Variants in LCOR observed in about 807,000 individuals in gnomAD.
LCOR encodes ligand-dependent corepressor.
LCOR carries 14 observed loss-of-function variants against 64.4 expected under a neutral mutation model. The ratio of observed to expected loss-of-function variants is 0.22; its 90% CI spans 0.14 to 0.34. The LOEUF is 0.34. Ranked by LOEUF, LCOR falls within the 10% of genes least tolerant of loss-of-function variation. LCOR has a pLI of 1.00. For synonymous variants in LCOR, 643 were observed against 642.5 expected, an observed-to-expected ratio of 1.00 and a Z score of -0.01; for missense variants, 1,686 against 1,765.3, an observed-to-expected ratio of 0.96 and a Z score of 0.80.
At chr10:96,878,255 C>T (rs1846203281) in intron 2 of LCOR, among the ~76,000 whole-genome samples, 1 of 134,498 alleles carries the variant, frequency 7.4e-6, no homozygotes, top group South Asian at 2.2e-4. Flanking sequence ...AGCAAACTAA[C>T]TGGTTGCTTA....
At chr10:96,941,242 C>T (rs1278024241) in intron 4 of LCOR, among the ~76,000 whole-genome samples, 296 of 87,624 alleles carry the variant, frequency 3.4e-3, no homozygotes, top group African/African-American at 0.02. Context: ...GGGGGGCTGA[C>T]CCCCCCACCT....
chr10:96,859,502 G>C (rs951888294), intron 2 of LCOR, among the ~76,000 whole-genome samples: 3 of 151,974 alleles, frequency 2.0e-5, no homozygotes, highest in African/African-American at 7.3e-5. Flanking sequence ...GCGAGCCACC[G>C]CGCCCAGCCT....
intron 4 of LCOR, among the ~76,000 whole-genome samples, chr10:96,926,991 A>G (rs796775791): frequency 6.6e-6 from 1 of 151,986 alleles, no homozygotes; most frequent in Non-Finnish European, 1.5e-5. Context: ...AATTGTGTAC[A>G]TCTTTTTGTG....
chr10:96,970,089 C>A (rs1847985796), intron 7 of LCOR, among the ~76,000 whole-genome samples: 1 of 150,674 alleles, frequency 6.6e-6, no homozygotes, highest in African/African-American at 2.4e-5. Flanking sequence ...CCATGCCCAA[C>A]CTTTAACAAC....
intron 2 of LCOR, among the ~76,000 whole-genome samples, chr10:96,873,872 ATTC>A (rs1225843360): frequency 6.6e-6 from 1 of 152,116 alleles, no homozygotes; most frequent in Non-Finnish European, 1.5e-5. Flanking sequence ...AAAATATTGT[ATTC>A]TTCTAGGATT....
At chr10:96,886,382 A>G (rs759595003) in intron 2 of LCOR, among the ~76,000 whole-genome samples, 4 of 152,212 alleles carry the variant, frequency 2.6e-5, no homozygotes, top group African/African-American at 9.7e-5. Flanking sequence ...AAATCCTCCA[A>G]TGAGCATTTC....
At chr10:96,872,764 T>C (rs1219043482) in intron 2 of LCOR, among the ~76,000 whole-genome samples, 1 of 152,216 alleles carries the variant, frequency 6.6e-6, no homozygotes, top group African/African-American at 2.4e-5. Context: ...AGACTACCAG[T>C]TAATTCTTCT....
intron 4 of LCOR, among the ~76,000 whole-genome samples, chr10:96,916,585 G>T (rs1253296089): frequency 2.3e-5 from 3 of 132,214 alleles, no homozygotes; most frequent in South Asian, 3.0e-4. Context: ...GATATTTAAA[G>T]GCTATATATA....
At chr10:96,878,862 A>G (rs1270448133) in intron 2 of LCOR, among the ~76,000 whole-genome samples, 3 of 152,068 alleles carry the variant, frequency 2.0e-5, no homozygotes, top group Non-Finnish European at 4.4e-5. Context: ...ATGCAGTCAC[A>G]GCTCACTGCA....
At chr10:96,897,289 G>A (rs1846555869) in intron 2 of LCOR, among the ~76,000 whole-genome samples, 1 of 152,140 alleles carries the variant, frequency 6.6e-6, no homozygotes, top group Non-Finnish European at 1.5e-5. Flanking sequence ...GTATCTGCAA[G>A]CACATTTTTA....
chr10:96,845,144 TAAAA>T (rs543522802), intron 2 of LCOR, among the ~76,000 whole-genome samples: 3 of 152,012 alleles, frequency 2.0e-5, no homozygotes, highest in Non-Finnish European at 2.9e-5. Flanking sequence ...AAAATCAACT[TAAAA>T]AAAGATGATA....
rs1190640632 is a variant in LCOR at position 96,982,346 on chromosome 10, T to C, written c.1886T>C (p.Leu629Pro). 1.2e-6 allele frequency: 2 copies of C among 1,614,104 alleles called. No individual in the cohort carries two copies. The highest frequency in any genetic ancestry group is 2.7e-5 in the African/African-American group (2 of 74,950). The change falls in exon 8 of 8, where the codon CTG (leucine) becomes CCG (proline). Residue 629 changes from leucine to proline, a missense_variant. Coordinates refer to ENST00000421806, the MANE Select transcript of LCOR (RefSeq NM_001346516.2). ...CCTGCTCACCTTCCTGAAGAGGACC[T>C]GCCAGAAGGTGGCTCCACAGTCTCA... is the stretch of plus-strand genomic sequence containing the variant. Reference protein sequence around the residue: ...PLPAHLPEEDLPEGGSTVSAP... With the variant: ...PLPAHLPEEDPPEGGSTVSAP...
chr10:96,984,156 T>A lies in LCOR; in HGVS notation c.3696T>A (p.Ala1232=), dbSNP rs1372789351. ...PSSLYPSSLQ[A]ERLKKHLKKF... ...GCCTATATCCCAGTTCACTACAGGC[T>A]GAGCGCTTGAAAAAGCACTTGAAGA... The change falls in exon 8 of 8, where the codon GCT becomes GCA. Residue 1232 remains alanine (A), a synonymous_variant. Coordinates refer to ENST00000421806, the MANE Select transcript of LCOR (RefSeq NM_001346516.2). 1.2e-6 allele frequency: 2 copies of A among 1,614,060 alleles called. No individual in the cohort carries two copies. The highest frequency in any genetic ancestry group is 2.7e-5 in the African/African-American group (2 of 74,916).
chr10:96,833,396 C>G lies in LCOR; in HGVS notation c.-403-10C>G, dbSNP rs1014966167. 1 of 985,772 alleles carries G rather than the reference C, an allele frequency of 1.0e-6. No homozygotes were observed. The highest frequency in any genetic ancestry group is 6.1e-5 in the Admixed American group (1 of 16,270). 61.1% of individuals were successfully genotyped at this position (985,772 alleles called of 1,614,324 possible). A position where few individuals can be genotyped will look rare whatever the true frequency, so the allele number is the denominator to read the frequency against. On this transcript the variant is annotated splice_polypyrimidine_tract_variant and intron_variant, in intron 1 of 7. Transcript: ENST00000421806. ...CACACTGTGTGTTTTGTCTGTTTTT[C>G]TCTCCCAAGGTCCCGTTTCCCTCTG...
In LCOR at chr10:96,994,064, C is replaced by T. The variant is rs1406884170; in HGVS notation, c.*8930C>T. The T allele has an allele frequency of 2.0e-5, 3 of 152,062 alleles. No homozygotes were observed. Among genetic ancestry groups the T allele is most frequent in the Non-Finnish European group, 4.4e-5 (3 of 68,024 alleles). 9.4% of individuals were successfully genotyped at this position (152,062 alleles called of 1,614,324 possible). On this transcript the variant is annotated 3_prime_UTR_variant, in exon 8 of 8. Transcript: ENST00000421806. ...CAATGGATGAGAAATCTGCCAGCACCAGACACATCAAAATTGGGCACATAG... is the reference window on the plus strand; with the variant it reads ...CAATGGATGAGAAATCTGCCAGCACTAGACACATCAAAATTGGGCACATAG...
At position 96,983,106 on chromosome 10, in the gene LCOR, CACAGAA is replaced by C. The variant is rs754535704; in HGVS notation, c.2648_2653del (p.Thr883_Glu884del). On this transcript the variant is annotated inframe_deletion, in exon 8 of 8. Coordinates refer to ENST00000421806, the MANE Select transcript of LCOR (RefSeq NM_001346516.2). This position sits in a 1 kb window ranked among gnomAD's most constrained non-coding sequence, Gnocchi z 4.5. ...GTTTCCACACGGAAACTCTGGAGGA[CACAGAA>C]AAGCCAAGTGTCAATGAACGCCCCT... The C allele has an allele frequency of 2.9e-5, 47 of 1,613,444 alleles. No individual in the cohort carries two copies. In the East Asian group the frequency reaches 9.6e-4, roughly 33 times the overall value.
At chr10:96,834,173 A>C (rs1302105114) in intron 2 of LCOR, among the ~76,000 whole-genome samples, 1 of 152,264 alleles carries the variant, frequency 6.6e-6, no homozygotes, top group Non-Finnish European at 1.5e-5. Context: ...AGTTTCGTTA[A>C]GGATTTAGAC....
chr10:96,935,912 TG>T (rs1847343406), intron 4 of LCOR, among the ~76,000 whole-genome samples: 1 of 152,210 alleles, frequency 6.6e-6, no homozygotes, highest in African/African-American at 2.4e-5. Flanking sequence ...CTAAAGGTGT[TG>T]AAAATGATGA....
intron 4 of LCOR, among the ~76,000 whole-genome samples, chr10:96,942,359 G>A (rs1034093202): frequency 2.8e-4 from 43 of 152,152 alleles, no homozygotes; most frequent in Non-Finnish European, 5.3e-4. Context: ...AGGAGAATCA[G>A]GCAGGGAGGT....
Sources: gnomAD v4.1 joint callset for allele counts (sites outside exome capture counted in the v4.1 genomes callset) on GRCh38, gnomAD v4.1.1 for gene constraint, Gnocchi (gnomAD v3.1) non-coding constraint, MANE v1.5 for transcripts, NCBI Gene and HGNC (gene_info 2026-07-23, HGNC 2026-07-21) for gene names.